The following COL11A1 variants were observed in gnomAD, a reference collection of about 807,000 sequenced individuals.
The protein encoded by COL11A1 is collagen alpha-1(XI) chain.
COL11A1 carries 74 observed loss-of-function variants against 265.2 expected under a neutral mutation model. That is an observed-to-expected ratio of 0.28 (90% CI 0.23 to 0.34). The LOEUF (loss-of-function observed/expected upper bound fraction) is 0.34, where lower values mean the gene tolerates loss of function less well. Among genes scored for constraint, COL11A1 ranks in the 10% least tolerant of loss-of-function variants. The pLI, the probability that COL11A1 is intolerant of heterozygous loss-of-function variation, is 1.00. For missense variants in COL11A1, 2,165 were observed against 2,263.6 expected (o/e 0.96, Z 0.88); for synonymous variants, 816 against 727.6 (o/e 1.12, Z -1.96).
At position 102,987,682 on chromosome 1, in the gene COL11A1, C is replaced by T. The variant is rs142523692; in HGVS notation, c.2453G>A (p.Arg818Gln). 3.8e-5 allele frequency: 61 copies of T among 1,613,532 alleles called. No individual in the cohort carries two copies. The highest frequency in any genetic ancestry group is 3.3e-4 in the Middle Eastern group (2 of 6,056). Residue 818 changes from arginine to glutamine, a missense_variant, in exon 30 of 67, where the codon CGA becomes CAA. By Grantham distance (43) the Arg-to-Gln change is conservative. Coordinates refer to ENST00000370096, the MANE Select transcript of COL11A1 (RefSeq NM_001854.4). ...GEDGPEGPKGRAGPTGDPGPS... is the reference protein window; with the variant it reads ...GEDGPEGPKGQAGPTGDPGPS... ...ACCTGGGTCTCCAGTTGGGCCTGCT[C>T]GACCTTTGGGTCCTTCAGGGCCATC...
chr1:103,019,599 T>C (rs1323319719), intron 9 of COL11A1, among the ~76,000 whole-genome samples: 1 of 151,842 alleles, frequency 6.6e-6, no homozygotes, highest in Non-Finnish European at 1.5e-5. Flanking sequence ...CTTTTTTTTA[T>C]TATTATACTT....
chr1:103,015,494 C>T (rs1399513354), intron 12 of COL11A1, among the ~76,000 whole-genome samples, 174 bp downstream of exon 12: 2 of 151,894 alleles, frequency 1.3e-5, no homozygotes, highest in African/African-American at 4.8e-5. Context: ...GAGATTGATA[C>T]CATAATTTTG....
At chr1:102,996,777 G>A (rs1210494375) in intron 26 of COL11A1, among the ~76,000 whole-genome samples, 13 of 151,800 alleles carry the variant, frequency 8.6e-5, no homozygotes, top group African/African-American at 2.9e-4. Context: ...GGTTACATAA[G>A]CAGTTCAGTA....
chr1:103,046,548 T>C (rs1258632791), intron 4 of COL11A1, among the ~76,000 whole-genome samples: 1 of 151,384 alleles, frequency 6.6e-6, no homozygotes, highest in Non-Finnish European at 1.5e-5. Flanking sequence ...TCTCCCATTC[T>C]GTAGGTTGCC....
intron 4 of COL11A1, among the ~76,000 whole-genome samples, chr1:103,062,933 TAAG>T (rs1670788197): frequency 6.6e-6 from 1 of 152,098 alleles, no homozygotes; most frequent in South Asian, 2.1e-4. Flanking sequence ...ATCATTTTCT[TAAG>T]AAGAATTTGA....
chr1:103,037,410 C>G (rs1571114970), intron 4 of COL11A1, among the ~76,000 whole-genome samples: 1 of 152,034 alleles, frequency 6.6e-6, no homozygotes, highest in South Asian at 2.1e-4. Flanking sequence ...TTATGTGAAG[C>G]CAACCAGTGA....
chr1:102,994,226 T>C (rs138322762), intron 28 of COL11A1, among the ~76,000 whole-genome samples: 3 of 152,210 alleles, frequency 2.0e-5, no homozygotes, highest in Non-Finnish European at 4.4e-5. Context: ...GTGATATAAT[T>C]TGGATATTTA....
intron 46 of COL11A1, 121 bp from the exon 47 acceptor site, chr1:102,923,510 G>T: frequency 1.3e-6 from 1 of 746,300 alleles, no homozygotes; most frequent in Non-Finnish European, 2.2e-6. Context: ...TTAAGATTCA[G>T]ATACTAACAT....
At chr1:103,032,155 T>A (rs1668043224) in intron 4 of COL11A1, among the ~76,000 whole-genome samples, 1 of 152,092 alleles carries the variant, frequency 6.6e-6, no homozygotes, top group Admixed American at 6.6e-5. Context: ...TGATAGCCAT[T>A]TAACTTGAGC....
chr1:103,026,561 C>CA (rs1318905882), intron 5 of COL11A1, among the ~76,000 whole-genome samples: 1 of 152,012 alleles, frequency 6.6e-6, no homozygotes, highest in East Asian at 1.9e-4. Flanking sequence ...TAGTTAGTAT[C>CA]ACGAGAAAAC....
At chr1:103,059,839 C>G (rs1167735389) in intron 4 of COL11A1, among the ~76,000 whole-genome samples, 1 of 151,810 alleles carries the variant, frequency 6.6e-6, no homozygotes, top group African/African-American at 2.4e-5. Context: ...AGAAAAAAAG[C>G]TGGGAAATAC....
intron 1 of COL11A1, among the ~76,000 whole-genome samples, chr1:103,103,753 AACAGATATC>A (rs5776677): frequency 0.8 from 121,788 of 151,550 alleles, 53,318 homozygotes; most frequent in East Asian, 1. Flanking sequence ...TTGATTGCAC[AACAGATATC>A]ATGGTAGTCC....
chr1:103,004,045 A>G (rs1348403085), intron 20 of COL11A1, among the ~76,000 whole-genome samples: 6 of 152,166 alleles, frequency 3.9e-5, no homozygotes, highest in African/African-American at 1.4e-4. Context: ...TTTGGTGGAG[A>G]AAAGTGATAT....
In COL11A1 at chr1:102,984,427, G is replaced by A. The variant is rs566828605; in HGVS notation, c.2503-236C>T. On this transcript the variant is annotated intron_variant, in intron 30 of 66. Coordinates refer to ENST00000370096, the MANE Select transcript of COL11A1 (RefSeq NM_001854.4). ...TAACTTAACCTTTATTATATAAGTG[G>A]TAGTGCCTTCTTTAGGTACATGAAC... 2.3e-4 allele frequency among the ~76,000 whole-genome samples: 35 copies of A among 152,072 alleles called. No homozygotes were observed. The Middle Eastern group carries it at 0.01, about 44-fold the overall frequency.
chr1:102,976,288 G>GGTTTTTT (rs1557893410), intron 35 of COL11A1, among the ~76,000 whole-genome samples: 1 of 45,242 alleles, frequency 2.2e-5, no homozygotes, highest in Non-Finnish European at 5.8e-5. Flanking sequence ...GAAAACGTTG[G>GGTTTTTT]CTTTTTTTTT....
At chr1:102,922,639 T>TCCG (rs1656118704) in intron 47 of COL11A1, among the ~76,000 whole-genome samples, 1 of 152,192 alleles carries the variant, frequency 6.6e-6, no homozygotes, top group Non-Finnish European at 1.5e-5. Flanking sequence ...GACATCGTGA[T>TCCG]CCGCCCGCCT....
In COL11A1 at chr1:103,087,894, T is replaced by A. The variant is rs1355267219; in HGVS notation, c.107-4922A>T. ...ACACAGAGATTATGAAAATGTTGGT[T>A]GAATGTGAAACACGATAATGTGAAA... On this transcript the variant is annotated intron_variant, in intron 1 of 66. Transcript: ENST00000370096. 1.3e-5 allele frequency among the ~76,000 whole-genome samples: 2 copies of A among 152,182 alleles called. 1 individual carries two copies. The highest frequency in any genetic ancestry group is 3.8e-4 in the East Asian group (2 of 5,198).
intron 57 of COL11A1, 129 bp from the exon 58 acceptor site, chr1:102,890,633 G>T (rs1322049378): frequency 4.7e-6 from 3 of 635,258 alleles, no homozygotes; most frequent in African/African-American, 1.9e-5. Context: ...GATTAATGTT[G>T]CTTTATTTTT....
intron 46 of COL11A1, among the ~76,000 whole-genome samples, chr1:102,931,262 G>A (rs1657397684): frequency 6.6e-6 from 1 of 151,356 alleles, no homozygotes; most frequent in Non-Finnish European, 1.5e-5. Context: ...CCACTGCTTT[G>A]AATGCGTCCC....
Sources: allele counts gnomAD v4.1 joint callset (sites outside exome capture counted in the v4.1 genomes callset), GRCh38; gene constraint gnomAD v4.1.1; transcripts MANE v1.5; gene names NCBI Gene and HGNC (gene_info 2026-07-23, HGNC 2026-07-21).